The following MPP7 variants were observed in gnomAD, a reference collection of about 807,000 sequenced individuals.
MPP7 encodes MAGUK p55 subfamily member 7.
A neutral mutation model predicts 76.5 loss-of-function variants in MPP7; 60 were observed. That is an observed-to-expected ratio of 0.78 (90% confidence interval 0.64 to 0.97). MPP7 has a LOEUF of 0.97. Among genes scored for constraint, MPP7 ranks in the 50% least tolerant of loss-of-function variants. The pLI is 0.00. For synonymous variants in MPP7, 237 were observed against 244.5 expected (o/e 0.97, Z 0.29); for missense variants, 641 against 694.0 (o/e 0.92, Z 0.86).
At chr10:28,226,631 A>C (rs1838700745) in intron 2 of MPP7, among the ~76,000 whole-genome samples, 1 of 152,024 alleles carries the variant, frequency 6.6e-6, no homozygotes, top group South Asian at 2.1e-4. Context: ...TGATCATAAA[A>C]CATTTTGAAT....
chr10:28,291,622 A>T (rs1472504370), intron 1 of MPP7, among the ~76,000 whole-genome samples: 6 of 152,168 alleles, frequency 3.9e-5, no homozygotes, highest in African/African-American at 7.2e-5. Context: ...CAAAAAAAAA[A>T]ATTAAATAAA....
At chr10:28,269,522 TATC>T (rs937894917) in intron 1 of MPP7, among the ~76,000 whole-genome samples, 1 of 148,180 alleles carries the variant, frequency 6.7e-6, no homozygotes, top group Admixed American at 6.8e-5. Flanking sequence ...TATTTGTTTT[TATC>T]TTTTTTTTTT....
intron 3 of MPP7, among the ~76,000 whole-genome samples, chr10:28,159,572 C>G (rs1231626634): frequency 6.6e-6 from 1 of 152,144 alleles, no homozygotes; most frequent in Non-Finnish European, 1.5e-5. Context: ...TACTGGGACA[C>G]GCTGCTTTGG....
chr10:28,135,694 G>A (rs1835333006), intron 5 of MPP7, among the ~76,000 whole-genome samples: 1 of 152,128 alleles, frequency 6.6e-6, no homozygotes, highest in African/African-American at 2.4e-5. Context: ...ACTGAGAAGA[G>A]TTATGGGATG....
intron 3 of MPP7, among the ~76,000 whole-genome samples, chr10:28,163,913 CAA>C (rs35147298): frequency 2.3e-5 from 3 of 132,470 alleles, no homozygotes; most frequent in Admixed American, 7.6e-5. Flanking sequence ...AGCTCCATCT[CAA>C]AAAAAAAAAA....
intron 1 of MPP7, among the ~76,000 whole-genome samples, chr10:28,278,144 G>C (rs1247082225): frequency 6.6e-6 from 1 of 151,974 alleles, no homozygotes; most frequent in Non-Finnish European, 1.5e-5. Context: ...ACCAAAAAAA[G>C]AAAAATAAAG....
intron 12 of MPP7, among the ~76,000 whole-genome samples, chr10:28,078,937 C>A (rs1852627808): frequency 6.6e-6 from 1 of 152,166 alleles, no homozygotes; most frequent in Admixed American, 6.5e-5. Flanking sequence ...AAAACAGTCA[C>A]TGTTAACTAC....
chr10:28,278,515 C>T (rs747094940), intron 1 of MPP7, among the ~76,000 whole-genome samples: 3 of 151,970 alleles, frequency 2.0e-5, no homozygotes, highest in Non-Finnish European at 2.9e-5. Context: ...CACCTGAAGA[C>T]ACCACAAAAA....
intron 1 of MPP7, among the ~76,000 whole-genome samples, chr10:28,278,180 CACAATA>C (rs1214499023): frequency 6.6e-6 from 1 of 152,096 alleles, no homozygotes; most frequent in African/African-American, 2.4e-5. Flanking sequence ...CACTTTCCCA[CACAATA>C]ACAAGTTCCC....
chr10:28,089,568 A>G, intron 12 of MPP7, 103 bp downstream of exon 12: 1 of 1,024,016 alleles, frequency 9.8e-7, no homozygotes, highest in Non-Finnish European at 1.4e-6. Flanking sequence ...GTTGAAGGGG[A>G]GGAGATTTTT....
chr10:28,073,497 G>A (rs1315204683), intron 12 of MPP7, among the ~76,000 whole-genome samples: 1 of 152,074 alleles, frequency 6.6e-6, no homozygotes, highest in Non-Finnish European at 1.5e-5. Flanking sequence ...GAGCTGAGGG[G>A]AGTGCCTCAC....
At chr10:28,258,382 T>TTATATATA (rs59151395) in intron 1 of MPP7, among the ~76,000 whole-genome samples, 74 of 141,254 alleles carry the variant, frequency 5.2e-4, no homozygotes, top group South Asian at 1.8e-3. Flanking sequence ...ATATTAAATA[T>TTATATATA]TATATATATA....
intron 11 of MPP7, among the ~76,000 whole-genome samples, chr10:28,098,069 AAATT>A (rs1368039245): frequency 2.0e-5 from 3 of 152,182 alleles, no homozygotes; most frequent in Admixed American, 2.0e-4. Flanking sequence ...TTACATACAT[AAATT>A]AAGAATCATT....
chr10:28,255,990 C>T (rs1839772858), intron 1 of MPP7, among the ~76,000 whole-genome samples: 1 of 152,092 alleles, frequency 6.6e-6, no homozygotes, highest in Non-Finnish European at 1.5e-5. Context: ...TCCTTTGGAA[C>T]TCATGGAATA....
At chr10:28,207,695 A>G (rs1837994483) in intron 2 of MPP7, among the ~76,000 whole-genome samples, 2 of 151,862 alleles carry the variant, frequency 1.3e-5, no homozygotes, top group African/African-American at 4.8e-5. Context: ...CCATCTCAAA[A>G]AGAAAAAAAA....
rs1177870468 is a variant in MPP7 at position 28,303,061 on chromosome 10, C to A, written c.-332G>T. 6.6e-6 allele frequency among the ~76,000 whole-genome samples: 1 copy of A among 152,178 alleles called. No homozygotes were observed. Among genetic ancestry groups the A allele is most frequent in the African/African-American group, 2.4e-5 (1 of 41,458 alleles). On this transcript the variant is annotated 5_prime_UTR_variant, in exon 1 of 17. Coordinates refer to ENST00000683449, the MANE Select transcript of MPP7 (RefSeq NM_001318170.2). ...CCCCGCCTCCAGCCCGGCTAGTAAC[C>A]AACACGGCCCCCACCCTCGGAGGGG... is the stretch of plus-strand genomic sequence containing the variant.
intron 3 of MPP7, among the ~76,000 whole-genome samples, chr10:28,200,877 G>A (rs1322478645): frequency 2.6e-5 from 4 of 152,082 alleles, no homozygotes; most frequent in Admixed American, 2.6e-4. Context: ...AATGATTAAA[G>A]GATGATGATG....
chr10:28,064,502 T>C (rs1265922986), intron 13 of MPP7, among the ~76,000 whole-genome samples: 1 of 152,188 alleles, frequency 6.6e-6, no homozygotes, highest in African/African-American at 2.4e-5. Flanking sequence ...GATGGAAACA[T>C]TCATTATGTT....
At chr10:28,322,373 T>C (rs1372178571) in intron 2 of MPP7, among the ~76,000 whole-genome samples, 3 of 151,848 alleles carry the variant, frequency 2.0e-5, no homozygotes, top group Non-Finnish European at 4.4e-5. Flanking sequence ...CCTGCTTTTC[T>C]AAAAAAATAA....
Sources: allele counts gnomAD v4.1 joint callset (sites outside exome capture counted in the v4.1 genomes callset), GRCh38; gene constraint gnomAD v4.1.1; transcripts MANE v1.5; gene names NCBI Gene and HGNC (gene_info 2026-07-23, HGNC 2026-07-21).